RABGAP1L: variants seen among roughly 807,000 people sequenced by gnomAD.
RABGAP1L encodes the protein rab GTPase-activating protein 1-like.
A neutral mutation model predicts 137.7 loss-of-function variants in RABGAP1L; 63 were observed. The observed-to-expected ratio is 0.46, with a 90% confidence interval of 0.37 to 0.56. The LOEUF is 0.56. RABGAP1L is among the 20% of genes least tolerant of loss of function. The pLI, the probability that RABGAP1L is intolerant of heterozygous loss-of-function variation, is 0.00. For missense variants in RABGAP1L, 1,095 were observed against 1,244.0 expected (o/e 0.88, Z 1.80); for synonymous variants, 431 against 433.7 (o/e 0.99, Z 0.08).
rs768707965 is a variant in RABGAP1L at position 174,241,531 on chromosome 1, T to C, written c.591T>C (p.Tyr197=). ...SNVEIASFPI[Y]KVLFCARGHD... is the part of the protein sequence containing the mutation. ...TGGAGATAGCATCTTTTCCAATCTA[T>C]AAGGTGTTATTCTGTGCACGTGGAC... is the stretch of plus-strand genomic sequence containing the variant. Residue 197 remains tyrosine (Y), a synonymous_variant, in exon 5 of 26, where the codon TAT becomes TAC. Coordinates refer to ENST00000681986, the MANE Select transcript of RABGAP1L (RefSeq NM_001366446.1). The C allele has an allele frequency of 3.1e-6, 5 of 1,611,420 alleles. No homozygotes were observed. Among genetic ancestry groups the C allele is most frequent in the African/African-American group, 1.3e-5 (1 of 74,824 alleles).
At chr1:174,640,335 A>G (rs911572597) in intron 14 of RABGAP1L, among the ~76,000 whole-genome samples, 1 of 152,094 alleles carries the variant, frequency 6.6e-6, no homozygotes, top group Non-Finnish European at 1.5e-5. Context: ...CTTATGAGTA[A>G]TTTAGAATGG....
intron 11 of RABGAP1L, among the ~76,000 whole-genome samples, chr1:174,324,672 C>G (rs1680286251): frequency 6.6e-6 from 1 of 152,068 alleles, no homozygotes; most frequent in African/African-American, 2.4e-5. Context: ...GTTAGGACAT[C>G]ACTAACATTT....
At chr1:174,276,299 G>A in intron 9 of RABGAP1L, among the ~76,000 whole-genome samples, 1 of 152,042 alleles carries the variant, frequency 6.6e-6, no homozygotes, top group Non-Finnish European at 1.5e-5. Context: ...GGTGTGTGCT[G>A]CCATGCATGG....
In RABGAP1L at chr1:174,990,043, A is replaced by G. The variant is rs902027678; in HGVS notation, c.*42A>G. The G allele has an allele frequency of 2.0e-5, 29 of 1,470,242 alleles. No homozygotes were observed. Among genetic ancestry groups the G allele is most frequent in the African/African-American group, 1.1e-4 (8 of 70,858 alleles). 91.1% of individuals were successfully genotyped at this position (1,470,242 alleles called of 1,614,324 possible). The stretch of plus-strand genomic sequence containing the variant: ...GCACAAGAGCACAATGTTCAAACCA[A>G]TGGAAATCTGGGAGGATTCTTCCTG... On this transcript the variant is annotated 3_prime_UTR_variant, in exon 26 of 26. Coordinates refer to ENST00000681986, the MANE Select transcript of RABGAP1L (RefSeq NM_001366446.1).
At chr1:174,367,722 A>G (rs145534843) in intron 11 of RABGAP1L, 3 of 182,752 alleles carry the variant, frequency 1.6e-5, no homozygotes. Context: ...TCCTTTTCCA[A>G]TTCCAGATGA....
Position 174,374,101 on chromosome 1 carries a change from C to G in RABGAP1L, c.1559+3029C>G, listed in dbSNP as rs538566956. ...TGAAAGTGTACTTTTATGGTCCAAC[C>G]ATGTGGATGTGATTGATAGTATTGG... On this transcript the variant is annotated intron_variant, in intron 12 of 25. Coordinates refer to ENST00000681986, the MANE Select transcript of RABGAP1L (RefSeq NM_001366446.1). Among the ~76,000 whole-genome samples the G allele has an allele frequency of 2.6e-5, 4 of 152,274 alleles. No individual in the cohort carries two copies. In the South Asian group the frequency reaches 8.3e-4, roughly 32 times the overall value.
At chr1:174,261,515 T>G (rs1287908617) in intron 7 of RABGAP1L, among the ~76,000 whole-genome samples, 2 of 152,168 alleles carry the variant, frequency 1.3e-5, no homozygotes, top group Non-Finnish European at 2.9e-5. Flanking sequence ...TACCTTTCCT[T>G]GTGTTATTTT....
chr1:174,627,451 T>C (rs1460113106), intron 13 of RABGAP1L, among the ~76,000 whole-genome samples: 1 of 152,236 alleles, frequency 6.6e-6, no homozygotes, highest in Non-Finnish European at 1.5e-5. Context: ...AACATGTCAG[T>C]GTATATACGT....
At chr1:174,987,445 A>G (rs927457685) in intron 24 of RABGAP1L, among the ~76,000 whole-genome samples, 26 of 152,176 alleles carry the variant, frequency 1.7e-4, no homozygotes, top group Non-Finnish European at 3.7e-4. Context: ...TATTACAGGC[A>G]TGAGCCACTG....
rs779811274 is a variant in RABGAP1L at position 174,739,694 on chromosome 1, CA to C, written c.2170-12618del. On this transcript the variant is annotated intron_variant, in intron 17 of 25. Coordinates refer to ENST00000681986, the MANE Select transcript of RABGAP1L (RefSeq NM_001366446.1). ...AATGGAAAGAGAACTGAATTATAAT[CA>C]GGAAACTTGTCATTCCAGTCTTAAT... 1.1e-3 allele frequency among the ~76,000 whole-genome samples: 174 copies of C among 152,314 alleles called. 1 individual carries two copies. Among genetic ancestry groups the C allele is most frequent in the Non-Finnish European group, 2.0e-3 (134 of 68,012 alleles).
rs186789127 is a variant in RABGAP1L at position 174,313,982 on chromosome 1, G to A, written c.1465+8855G>A. Reference sequence around the variant, plus strand: ...TATACTTTTCTTTTTTTTGATATGCGTTTGTCTGGTTTTGGTATCAGGGTA... The same window carrying A: ...TATACTTTTCTTTTTTTTGATATGCATTTGTCTGGTTTTGGTATCAGGGTA... On this transcript the variant is annotated intron_variant, in intron 11 of 25. Transcript: ENST00000681986. Among the ~76,000 whole-genome samples, 466 of 152,006 alleles carry A rather than the reference G, an allele frequency of 3.1e-3. No individual in the cohort carries two copies. In the Middle Eastern group the frequency reaches 0.031, roughly 10 times the overall value.
intron 3 of RABGAP1L, among the ~76,000 whole-genome samples, 191 bp from the exon 4 acceptor site, chr1:174,230,954 A>T (rs772244499): frequency 6.6e-6 from 1 of 152,174 alleles, no homozygotes; most frequent in Non-Finnish European, 1.5e-5. Context: ...ACTCTGACAT[A>T]AGATTTAGGA....
intron 17 of RABGAP1L, among the ~76,000 whole-genome samples, chr1:174,740,123 T>A (rs1683266150): frequency 6.6e-6 from 1 of 152,172 alleles, no homozygotes; most frequent in South Asian, 2.1e-4. Flanking sequence ...TGCTGGTGAT[T>A]TTTTAAAATT....
intron 11 of RABGAP1L, among the ~76,000 whole-genome samples, chr1:174,362,981 G>T (rs1684279309): frequency 1.3e-5 from 2 of 152,124 alleles, no homozygotes; most frequent in Admixed American, 6.5e-5. Context: ...TAAGGAAGGG[G>T]TCCAGTTTTA....
intron 14 of RABGAP1L, among the ~76,000 whole-genome samples, chr1:174,669,217 A>G (rs1677008003): frequency 6.6e-6 from 1 of 152,082 alleles, no homozygotes; most frequent in Non-Finnish European, 1.5e-5. Context: ...GGAACTACCA[A>G]ACACTTATAA....
intron 18 of RABGAP1L, among the ~76,000 whole-genome samples, chr1:174,804,728 C>T (rs577697381): frequency 1.1e-4 from 16 of 152,272 alleles, no homozygotes; most frequent in East Asian, 3.9e-4. Flanking sequence ...CACAGTGAAT[C>T]GAAGGAGGGT....
chr1:174,403,503 A>G (rs552317827), intron 13 of RABGAP1L, among the ~76,000 whole-genome samples: 1 of 152,228 alleles, frequency 6.6e-6, no homozygotes, highest in Non-Finnish European at 1.5e-5. Flanking sequence ...TTTTTAAAGC[A>G]GGCTTAATAG....
At position 174,699,436 on chromosome 1, in the gene RABGAP1L, T is replaced by G. The variant is rs977255148; in HGVS notation, c.1900-89T>G. On this transcript the variant is annotated intron_variant, in intron 15 of 25. Transcript: ENST00000681986. ...TTTGCTCCAGGCCTTCAGCTACTTA[T>G]GCAGAGGACTAATAACATGAAGGAA... 13 of 1,237,224 alleles carry G rather than the reference T, an allele frequency of 1.1e-5. No individual in the cohort carries two copies. In the South Asian group the frequency reaches 1.9e-4, roughly 18 times the overall value. The allele number at this position is 1,237,224 out of a possible 1,614,324, so 76.6% of individuals were successfully genotyped here.
intron 2 of RABGAP1L, among the ~76,000 whole-genome samples, chr1:174,219,798 C>T (rs1553254788): frequency 6.6e-6 from 1 of 151,974 alleles, no homozygotes; most frequent in Admixed American, 6.5e-5. Flanking sequence ...TTTTTCACTT[C>T]TGTGTTGCAC....
Sources: allele counts gnomAD v4.1 joint callset (sites outside exome capture counted in the v4.1 genomes callset), GRCh38; gene constraint gnomAD v4.1.1; transcripts MANE v1.5; gene names NCBI Gene and HGNC (gene_info 2026-07-23, HGNC 2026-07-21).